Variants in HHAT observed in about 807,000 individuals in gnomAD.
HHAT encodes hedgehog acyltransferase.
HHAT carries 47 observed loss-of-function variants against 70.8 expected under a neutral mutation model. That is an observed-to-expected ratio of 0.66 (90% CI 0.53 to 0.85). The LOEUF (loss-of-function observed/expected upper bound fraction) is 0.85, where lower values mean the gene tolerates loss of function less well. Ranked by LOEUF, HHAT falls within the 40% of genes least tolerant of loss-of-function variation. HHAT has a pLI of 0.00. For synonymous variants in HHAT, 228 were observed against 247.6 expected, an observed-to-expected ratio of 0.92 and a Z score of 0.74; for missense variants, 609 against 604.8, an observed-to-expected ratio of 1.01 and a Z score of -0.07.
At chr1:210,440,013 G>A (rs1572451450) in intron 7 of HHAT, among the ~76,000 whole-genome samples, 2 of 151,790 alleles carry the variant, frequency 1.3e-5, no homozygotes, top group Non-Finnish European at 2.9e-5. Context: ...TATTGAGCCC[G>A]CTGACTAGAA....
chr1:210,349,146 G>T (rs2086791109), intron 2 of HHAT, 80 bp downstream of exon 2: 7 of 1,434,642 alleles, frequency 4.9e-6, no homozygotes, highest in Non-Finnish European at 6.7e-6. Flanking sequence ...GAAGATTCAA[G>T]AAGATGATCC....
At chr1:210,400,877 A>G (rs1460544001) in intron 5 of HHAT, among the ~76,000 whole-genome samples, 1 of 152,202 alleles carries the variant, frequency 6.6e-6, no homozygotes, top group Non-Finnish European at 1.5e-5. Context: ...GAGATTGCCC[A>G]GGGCTGGCCC....
chr1:210,590,432 G>A (rs1234166694), intron 10 of HHAT: 1 of 151,462 alleles, frequency 6.6e-6, no homozygotes, highest in East Asian at 1.9e-4. Context: ...GTGTATTTTG[G>A]TAGGGGGATA....
intron 9 of HHAT, among the ~76,000 whole-genome samples, chr1:210,580,913 G>A (rs1171005039): frequency 2.6e-5 from 4 of 152,086 alleles, no homozygotes; most frequent in East Asian, 1.9e-4. Flanking sequence ...TATCTTCCAC[G>A]ATGGTTGAAC....
chr1:210,511,744 T>G (rs1015292389), intron 8 of HHAT, among the ~76,000 whole-genome samples: 1 of 148,766 alleles, frequency 6.7e-6, no homozygotes, highest in African/African-American at 2.5e-5. Flanking sequence ...TGATTCTGCC[T>G]GGGGGACTAT....
chr1:210,413,538 G>C lies in HHAT; in HGVS notation c.685-4616G>C, dbSNP rs561954255. 5.3e-5 allele frequency among the ~76,000 whole-genome samples: 8 copies of C among 152,274 alleles called. No individual in the cohort carries two copies. In the South Asian group the frequency reaches 1.7e-3, roughly 32 times the overall value. ...CTGTTTTACTATAAACAGTCAAGAG[G>C]AGCCAAGTTGCACCTTCAACACTTT... On this transcript the variant is annotated intron_variant, in intron 6 of 11. Coordinates refer to ENST00000261458, the MANE Select transcript of HHAT (RefSeq NM_018194.6).
At chr1:210,347,656 A>C (rs1427245130) in intron 1 of HHAT, among the ~76,000 whole-genome samples, 1 of 152,170 alleles carries the variant, frequency 6.6e-6, no homozygotes, top group East Asian at 1.9e-4. Context: ...GCCATGATGG[A>C]GAGATCTAGA....
At chr1:210,334,251 C>A (rs1327575645) in intron 1 of HHAT, among the ~76,000 whole-genome samples, 1 of 144,410 alleles carries the variant, frequency 6.9e-6, no homozygotes, top group Admixed American at 7.5e-5. Context: ...ACTGCAGCCT[C>A]AACTTCCCAG....
At chr1:210,600,325 T>G (rs966671017) in intron 10 of HHAT, among the ~76,000 whole-genome samples, 1 of 152,168 alleles carries the variant, frequency 6.6e-6, no homozygotes, top group African/African-American at 2.4e-5. Flanking sequence ...TGAGGGAGTT[T>G]AAGATGAAAT....
intron 8 of HHAT, among the ~76,000 whole-genome samples, chr1:210,495,723 T>A (rs551140486): frequency 6.6e-6 from 1 of 152,274 alleles, no homozygotes; most frequent in African/African-American, 2.4e-5. Flanking sequence ...GAAAATGGAA[T>A]AAGACCAAAC....
At chr1:210,332,766 T>C (rs2085106181) in intron 1 of HHAT, among the ~76,000 whole-genome samples, 1 of 152,206 alleles carries the variant, frequency 6.6e-6, no homozygotes, top group African/African-American at 2.4e-5. Context: ...TTACACAAAG[T>C]GGGCTTGGAG....
intron 11 of HHAT, among the ~76,000 whole-genome samples, chr1:210,630,808 G>A (rs1388489400): frequency 6.6e-6 from 1 of 152,200 alleles, no homozygotes. Context: ...CTCCTTTGGA[G>A]TGTGGAGTTG....
chr1:210,342,235 G>T (rs2086103786), intron 1 of HHAT, among the ~76,000 whole-genome samples: 1 of 152,128 alleles, frequency 6.6e-6, no homozygotes, highest in Admixed American at 6.5e-5. Flanking sequence ...GCTTTGTAGA[G>T]CTTCATTCAA....
At chr1:210,369,427 C>G (rs12048038) in intron 3 of HHAT, among the ~76,000 whole-genome samples, 2 of 152,308 alleles carry the variant, frequency 1.3e-5, no homozygotes, top group East Asian at 3.9e-4. Context: ...AGAGGTACTT[C>G]TATAAAGACA....
chr1:210,458,000 T>C (rs1234145564), intron 7 of HHAT, among the ~76,000 whole-genome samples: 1 of 152,174 alleles, frequency 6.6e-6, no homozygotes, highest in East Asian at 1.9e-4. Flanking sequence ...CACTTCCTCA[T>C]GTGTGATACA....
chr1:210,378,423 A>G (rs145534966), intron 3 of HHAT, among the ~76,000 whole-genome samples: 2 of 152,368 alleles, frequency 1.3e-5, no homozygotes, highest in East Asian at 3.9e-4. Context: ...CTTGCTAGAT[A>G]TAAGGATAAG....
At chr1:210,468,950 A>G (rs1223396764) in intron 8 of HHAT, among the ~76,000 whole-genome samples, 2 of 152,126 alleles carry the variant, frequency 1.3e-5, no homozygotes, top group Non-Finnish European at 2.9e-5. Flanking sequence ...CTCTGGGCCA[A>G]TCTTTTAATC....
chr1:210,386,485 G>A (rs1159322891), intron 3 of HHAT, among the ~76,000 whole-genome samples: 4 of 151,648 alleles, frequency 2.6e-5, no homozygotes, highest in African/African-American at 7.3e-5. Flanking sequence ...TGATCCGCCC[G>A]CCTCGGCCTC....
intron 7 of HHAT, among the ~76,000 whole-genome samples, chr1:210,421,282 C>T (rs2092895846): frequency 6.6e-6 from 1 of 152,102 alleles, no homozygotes; most frequent in African/African-American, 2.4e-5. Context: ...GGCATAAAAA[C>T]AGGCACATAG....
Sources: allele counts gnomAD v4.1 joint callset (sites outside exome capture counted in the v4.1 genomes callset), GRCh38; gene constraint gnomAD v4.1.1; transcripts MANE v1.5; gene names NCBI Gene and HGNC (gene_info 2026-07-23, HGNC 2026-07-21).